The following MCF2L2 variants were observed in gnomAD, a reference collection of about 807,000 sequenced individuals.
The protein encoded by MCF2L2 is probable guanine nucleotide exchange factor MCF2L2.
In MCF2L2, 102 loss-of-function variants were observed where a neutral mutation model predicts 150.2. The ratio of observed to expected loss-of-function variants is 0.68; its 90% CI spans 0.58 to 0.80. The LOEUF (loss-of-function observed/expected upper bound fraction) is 0.80, where lower values mean the gene tolerates loss of function less well. Among genes scored for constraint, MCF2L2 ranks in the 30% least tolerant of loss-of-function variants. The pLI, the probability that MCF2L2 is intolerant of heterozygous loss-of-function variation, is 0.00. For missense variants in MCF2L2, 1,256 were observed against 1,372.8 expected (o/e 0.91, Z 1.34); for synonymous variants, 465 against 491.3 (o/e 0.95, Z 0.71).
chr3:183,242,893 G>T (rs574047416), intron 15 of MCF2L2, among the ~76,000 whole-genome samples: 3 of 152,348 alleles, frequency 2.0e-5, no homozygotes, highest in East Asian at 3.9e-4. Flanking sequence ...GGGCAGAGTT[G>T]CCCAAGGCTG....
intron 10 of MCF2L2, among the ~76,000 whole-genome samples, chr3:183,302,482 G>T (rs537505310): frequency 1.3e-5 from 2 of 152,218 alleles, no homozygotes; most frequent in African/African-American, 4.8e-5. Flanking sequence ...GGAAATGAGT[G>T]GAAGACTAAC....
chr3:183,307,598 A>G (rs1729159967), intron 10 of MCF2L2, among the ~76,000 whole-genome samples: 1 of 152,218 alleles, frequency 6.6e-6, no homozygotes, highest in Non-Finnish European at 1.5e-5. Flanking sequence ...CCTGTGTTCC[A>G]TAACCACAGG....
chr3:183,326,517 CAAAAAAAAA>C (rs1730044895), intron 5 of MCF2L2, among the ~76,000 whole-genome samples: 1 of 101,870 alleles, frequency 9.8e-6, no homozygotes. Context: ...AAAAAAAAAA[CAAAAAAAAA>C]CCCACAAACC....
intron 15 of MCF2L2, among the ~76,000 whole-genome samples, chr3:183,257,958 C>CTTTTTTTTTTTTTTTTTTT (rs35323502): frequency 3.1e-5 from 2 of 64,742 alleles, no homozygotes; most frequent in Admixed American, 2.4e-4. Flanking sequence ...CCACTTCACC[C>CTTTTTTTTTTTTTTTTTTT]TTTTTTTTTT....
chr3:183,424,961 CCAAA>C (rs549651575), intron 1 of MCF2L2, among the ~76,000 whole-genome samples: 120 of 152,084 alleles, frequency 7.9e-4, no homozygotes, highest in Non-Finnish European at 1.3e-3. Context: ...ACTTTATAGG[CCAAA>C]CAGTGAAGAG....
Position 183,231,332 on chromosome 3 carries a change from A to C in MCF2L2, c.1863-315T>G, listed in dbSNP as rs376539926. The C allele has an allele frequency of 1.1e-3, 531 of 502,934 alleles. 5 individuals carry two copies. Among genetic ancestry groups the C allele is most frequent in the South Asian group, 8.2e-3 (516 of 62,900 alleles). The allele number at this position is 502,934 out of a possible 1,614,324, so 31.2% of individuals were successfully genotyped here. On this transcript the variant is annotated intron_variant, in intron 15 of 29. Transcript: ENST00000328913. ...GGTCAAGAAGGGAGATGTTGGAGTC[A>C]GAAATACCAGGTCTGGATCCTTAGT...
chr3:183,180,287 A>G, intron 27 of MCF2L2, 128 bp from the exon 28 acceptor site: 1 of 695,344 alleles, frequency 1.4e-6, no homozygotes, highest in Non-Finnish European at 2.6e-6. Context: ...CCTGCTCTCC[A>G]AGGGCCTGCA....
intron 1 of MCF2L2, among the ~76,000 whole-genome samples, chr3:183,421,085 T>C (rs999505314): frequency 6.6e-6 from 1 of 152,256 alleles, no homozygotes; most frequent in Non-Finnish European, 1.5e-5. Context: ...TGAGTCATTT[T>C]TCTCTTCTTT....
chr3:183,335,382 C>A (rs1730436349), intron 5 of MCF2L2, among the ~76,000 whole-genome samples: 2 of 152,024 alleles, frequency 1.3e-5, no homozygotes, highest in African/African-American at 4.8e-5. Context: ...ACATAGTCTA[C>A]ATATAAATAC....
At chr3:183,290,543 T>C (rs1031889971) in intron 13 of MCF2L2, among the ~76,000 whole-genome samples, 2 of 149,984 alleles carry the variant, frequency 1.3e-5, no homozygotes, top group African/African-American at 4.9e-5. Context: ...CTTTCTTTCT[T>C]TTTTTTTTTG....
At chr3:183,279,203 C>T (rs1025946094) in intron 14 of MCF2L2, among the ~76,000 whole-genome samples, 2 of 151,730 alleles carry the variant, frequency 1.3e-5, no homozygotes, top group African/African-American at 2.4e-5. Context: ...TCATTTACAT[C>T]GTAACTGATG....
At chr3:183,407,224 A>G (rs1715088685) in intron 1 of MCF2L2, among the ~76,000 whole-genome samples, 1 of 152,212 alleles carries the variant, frequency 6.6e-6, no homozygotes, top group Non-Finnish European at 1.5e-5. Context: ...CTATATGTCT[A>G]TCCTTTTGCC....
chr3:183,350,597 T>A (rs1299652626), intron 3 of MCF2L2, among the ~76,000 whole-genome samples: 1 of 152,152 alleles, frequency 6.6e-6, no homozygotes, highest in Non-Finnish European at 1.5e-5. Flanking sequence ...AGTCACACCC[T>A]ATATGCAGAG....
intron 19 of MCF2L2, among the ~76,000 whole-genome samples, chr3:183,223,814 G>A (rs937307024): frequency 1.3e-5 from 2 of 152,220 alleles, no homozygotes; most frequent in East Asian, 1.9e-4. Context: ...GGATACAGAC[G>A]GTTTGTAGAC....
chr3:183,372,223 T>C (rs1465995165), intron 3 of MCF2L2: 2 of 152,148 alleles, frequency 1.3e-5, no homozygotes, highest in African/African-American at 2.4e-5. Flanking sequence ...TGAGTAGTTA[T>C]TATAATCCCA....
At chr3:183,255,480 C>G (rs80054626) in intron 15 of MCF2L2, among the ~76,000 whole-genome samples, 3,908 of 152,300 alleles carry the variant, frequency 0.026, 170 homozygotes, top group African/African-American at 0.09. Context: ...CTCCCGCACA[C>G]GCTCTGAGCA....
At chr3:183,423,637 T>TG (rs1205554513) in intron 1 of MCF2L2, among the ~76,000 whole-genome samples, 5 of 136,092 alleles carry the variant, frequency 3.7e-5, no homozygotes, top group Middle Eastern at 3.4e-3. Flanking sequence ...TATTTGTTTT[T>TG]TTTTTTTTTT....
At chr3:183,251,703 G>A (rs1306316494) in intron 15 of MCF2L2, among the ~76,000 whole-genome samples, 1 of 151,870 alleles carries the variant, frequency 6.6e-6, no homozygotes, top group Non-Finnish European at 1.5e-5. Flanking sequence ...AAAAGTAACT[G>A]AGCATAGCAC....
At chr3:183,406,218 G>C (rs1372573498) in intron 1 of MCF2L2, among the ~76,000 whole-genome samples, 1 of 152,182 alleles carries the variant, frequency 6.6e-6, no homozygotes, top group Non-Finnish European at 1.5e-5. Flanking sequence ...GTGCGTGTAA[G>C]ATATCCAGTC....
Sources: gnomAD v4.1 joint callset for allele counts (sites outside exome capture counted in the v4.1 genomes callset) on GRCh38, gnomAD v4.1.1 for gene constraint, MANE v1.5 for transcripts, NCBI Gene and HGNC (gene_info 2026-07-23, HGNC 2026-07-21) for gene names.